The following PPP4R2 variants were observed in gnomAD, a reference collection of about 807,000 sequenced individuals.
The protein encoded by PPP4R2 is protein phosphatase 4 regulatory subunit 2, also known as serine/threonine-protein phosphatase 4 regulatory subunit 2.
A neutral mutation model predicts 47.2 loss-of-function variants in PPP4R2; 13 were observed. The observed-to-expected ratio is 0.28, with a 90% CI of 0.18 to 0.44. The LOEUF (loss-of-function observed/expected upper bound fraction) is 0.44, where lower values mean the gene tolerates loss of function less well. Among genes scored for constraint, PPP4R2 ranks in the 20% least tolerant of loss-of-function variants. The pLI is 1.00. For synonymous variants in PPP4R2, 151 were observed against 163.3 expected (o/e 0.92, Z 0.57); for missense variants, 421 against 491.2 (o/e 0.86, Z 1.35).
intron 3 of PPP4R2, among the ~76,000 whole-genome samples, chr3:73,048,815 C>T (rs1249411800): frequency 2.0e-5 from 3 of 152,094 alleles, no homozygotes; most frequent in Non-Finnish European, 4.4e-5. Context: ...TAGTGTAATC[C>T]AGTTAACGGT....
chr3:73,025,038 C>T (rs1172456412), intron 2 of PPP4R2, among the ~76,000 whole-genome samples: 1 of 152,092 alleles, frequency 6.6e-6, no homozygotes, highest in Non-Finnish European at 1.5e-5. Flanking sequence ...CCATATTTCA[C>T]ATTTTTGGAG....
At chr3:73,044,509 C>T (rs769042776) in intron 2 of PPP4R2, among the ~76,000 whole-genome samples, 6 of 152,084 alleles carry the variant, frequency 3.9e-5, no homozygotes, top group Admixed American at 6.5e-5. Flanking sequence ...TTGCTTGAAC[C>T]CAGGAGGCAG....
intron 2 of PPP4R2, among the ~76,000 whole-genome samples, chr3:73,033,802 T>C (rs1308684671): frequency 6.6e-6 from 1 of 152,248 alleles, no homozygotes; most frequent in Non-Finnish European, 1.5e-5. Context: ...CTTATTTTAC[T>C]TCACGTAATG....
At chr3:73,065,258 T>A in intron 8 of PPP4R2, 117 bp downstream of exon 8, 1 of 1,310,958 alleles carries the variant, frequency 7.6e-7, no homozygotes, top group East Asian at 2.5e-5. Flanking sequence ...GATGTTGGGC[T>A]TTTCTCCCAC....
chr3:73,037,629 G>A lies in PPP4R2; in HGVS notation c.117-9557G>A, dbSNP rs185000608. ...AACCCTTTGGCTCAAGATGTCCATA[G>A]TGCTGAGTTTGAGAAACTCATTTAT... On this transcript the variant is annotated intron_variant, in intron 2 of 8. Coordinates refer to ENST00000356692, the MANE Select transcript of PPP4R2 (RefSeq NM_174907.4). Among the ~76,000 whole-genome samples, 17 of 152,304 alleles carry A rather than the reference G, an allele frequency of 1.1e-4. 1 individual carries two copies. The East Asian group carries it at 3.1e-3, about 28-fold the overall frequency.
intron 2 of PPP4R2, among the ~76,000 whole-genome samples, chr3:73,031,890 A>G (rs928807551): frequency 2.0e-5 from 3 of 152,216 alleles, no homozygotes; most frequent in African/African-American, 7.2e-5. Context: ...GGTGCTTACT[A>G]GGTGTCAGCC....
intron 2 of PPP4R2, among the ~76,000 whole-genome samples, chr3:73,041,414 G>C (rs1164005125): frequency 6.6e-6 from 1 of 152,116 alleles, no homozygotes; most frequent in African/African-American, 2.4e-5. Context: ...ATTTAATTCA[G>C]TATTCAGATT....
At chr3:73,046,381 A>G (rs1702488140) in intron 2 of PPP4R2, among the ~76,000 whole-genome samples, 1 of 152,180 alleles carries the variant, frequency 6.6e-6, no homozygotes, top group African/African-American at 2.4e-5. Flanking sequence ...AAAGAGATTG[A>G]TCTGCTGTCA....
rs576361423 is a variant in PPP4R2, at chr3:73,015,167, G to C, written c.116+17009G>C. 2.0e-5 allele frequency among the ~76,000 whole-genome samples: 3 copies of C among 152,264 alleles called. No homozygotes were observed. In the South Asian group the frequency reaches 6.2e-4, roughly 32 times the overall value. ...GAAGGAATGAAAACACTACCCACAA[G>C]ATCTAAGATTGCTCTCTGCTATCTT... On this transcript the variant is annotated intron_variant, in intron 2 of 8. Coordinates refer to ENST00000356692, the MANE Select transcript of PPP4R2 (RefSeq NM_174907.4).
rs564351853 is a variant in PPP4R2 at position 72,997,171 on chromosome 3, C to G, written c.34+100C>G. 6 of 1,010,830 alleles carry G rather than the reference C, an allele frequency of 5.9e-6. No homozygotes were observed. In the Admixed American group the frequency reaches 2.5e-4, roughly 42 times the overall value. 62.6% of individuals were successfully genotyped at this position (1,010,830 alleles called of 1,614,324 possible). A position where few individuals can be genotyped will look rare whatever the true frequency, so the allele number is the denominator to read the frequency against. Reference sequence around the variant, plus strand: ...TTCCGAGGACCGGGGCCGGGCGCGGCGTGGGGAGAGTGCTTCCCGGGCTCC... The same window carrying G: ...TTCCGAGGACCGGGGCCGGGCGCGGGGTGGGGAGAGTGCTTCCCGGGCTCC... On this transcript the variant is annotated intron_variant, in intron 1 of 8. Transcript: ENST00000356692.
At chr3:73,021,660 G>A (rs1701961703) in intron 2 of PPP4R2, among the ~76,000 whole-genome samples, 2 of 152,080 alleles carry the variant, frequency 1.3e-5, no homozygotes, top group Non-Finnish European at 2.9e-5. Context: ...TGTAATTCCT[G>A]ATTTTACATT....
intron 2 of PPP4R2, among the ~76,000 whole-genome samples, chr3:73,006,190 A>ATTTTTT (rs71624000): frequency 8.1e-6 from 1 of 124,178 alleles, no homozygotes; most frequent in Non-Finnish European, 1.6e-5. Flanking sequence ...ATATGCCACA[A>ATTTTTT]TTTTTTTTTT....
chr3:73,050,154 G>T (rs1413799031), intron 3 of PPP4R2, among the ~76,000 whole-genome samples: 1 of 151,902 alleles, frequency 6.6e-6, no homozygotes, highest in South Asian at 2.1e-4. Flanking sequence ...TAGTAGAGAC[G>T]GGGTTTTACC....
At chr3:73,018,267 T>A (rs1313040969) in intron 2 of PPP4R2, among the ~76,000 whole-genome samples, 1 of 152,160 alleles carries the variant, frequency 6.6e-6, no homozygotes. Flanking sequence ...GAAACCTGCC[T>A]ACACAATGGA....
In PPP4R2 at chr3:72,996,821, T is replaced by TTGGAGGGTTGGTGG. The variant is rs1199996243; in HGVS notation, c.-215_-202dup. 2.7e-6 allele frequency: 1 copy of TTGGAGGGTTGGTGG among 376,768 alleles called. No homozygotes were observed. The highest frequency in any genetic ancestry group is 4.8e-6 in the Non-Finnish European group (1 of 210,416). 23.3% of individuals were successfully genotyped at this position (376,768 alleles called of 1,614,324 possible). ...GCGCGGTGACGTACCGGGCGCCATG[T>TTGGAGGGTTGGTGG]TGGAGGGTTGGTGGTAGCGGCTTGG... On this transcript the variant is annotated 5_prime_UTR_variant, in exon 1 of 9. The change abolishes the stop of an existing upstream ORF in the 5' untranslated region. Transcript: ENST00000356692.
intron 2 of PPP4R2, among the ~76,000 whole-genome samples, chr3:73,032,164 C>A (rs1003247500): frequency 6.6e-6 from 1 of 152,062 alleles, no homozygotes; most frequent in African/African-American, 2.4e-5. Flanking sequence ...TTTATTAATA[C>A]GATAAAGGTC....
rs147533912 is a variant in PPP4R2 at position 73,065,515 on chromosome 3, T to C, written c.1047T>C (p.Ser349=). 667 of 1,611,944 alleles carry C rather than the reference T, an allele frequency of 4.1e-4. 2 individuals are homozygous for C. The highest frequency in any genetic ancestry group is 5.3e-4 in the Non-Finnish European group (628 of 1,179,708). The change falls in exon 9 of 9, where the codon TCT becomes TCC. Residue 349 remains serine, a synonymous_variant. Coordinates refer to ENST00000356692, the MANE Select transcript of PPP4R2 (RefSeq NM_174907.4). ...AGGAAAATAATCAAATGGAGGAATC[T>C]GATGTGTCTCAAGCTGAGAAAGATT... ...TSEENNQMEE[S]DVSQAEKDLL... is the part of the protein sequence containing the mutation.
chr3:73,005,046 G>A (rs554698638), intron 2 of PPP4R2, among the ~76,000 whole-genome samples: 2 of 149,942 alleles, frequency 1.3e-5, no homozygotes, highest in Admixed American at 6.7e-5. Flanking sequence ...CGCCATCTCC[G>A]CTAACCGCAA....
chr3:73,004,955 G>GTT (rs1472878986), intron 2 of PPP4R2, among the ~76,000 whole-genome samples: 6 of 133,570 alleles, frequency 4.5e-5, no homozygotes, highest in African/African-American at 2.0e-4. Context: ...GTGTGTGTGT[G>GTT]TGTGTGTGTG....
Sources: gnomAD v4.1 joint callset for allele counts (sites outside exome capture counted in the v4.1 genomes callset) on GRCh38, gnomAD v4.1.1 for gene constraint, MANE v1.5 for transcripts, NCBI Gene and HGNC (gene_info 2026-07-23, HGNC 2026-07-21) for gene names.